The following LMO3 variants were observed in gnomAD, a reference collection of about 807,000 sequenced individuals.
The protein encoded by LMO3 is LIM domain only 3, also known as LIM domain only protein 3.
A neutral mutation model predicts 15.8 loss-of-function variants in LMO3; 2 were observed. The observed-to-expected ratio is 0.13, with a 90% CI of 0.05 to 0.40. The LOEUF (loss-of-function observed/expected upper bound fraction) is 0.40. Among genes scored for constraint, LMO3 ranks in the 10% least tolerant of loss-of-function variants. LMO3 has a pLI of 0.99. For missense variants in LMO3, 86 were observed against 182.2 expected, an observed-to-expected ratio of 0.47 and a Z score of 3.04; for synonymous variants, 62 against 63.8, an observed-to-expected ratio of 0.97 and a Z score of 0.13.
At chr12:16,556,523 G>T (rs1195580632) in intron 3 of LMO3, among the ~76,000 whole-genome samples, 4 of 152,200 alleles carry the variant, frequency 2.6e-5, no homozygotes, top group Admixed American at 6.5e-5. Flanking sequence ...AGGTAAAGAT[G>T]AAATGACTGC....
At chr12:16,573,550 G>A (rs1443793275) in intron 2 of LMO3, 1 of 152,198 alleles carries the variant, frequency 6.6e-6, no homozygotes, top group African/African-American at 2.4e-5. Context: ...GCGATAAGGG[G>A]GGCAGTTAAA....
At position 16,604,109 on chromosome 12, in the gene LMO3, G is replaced by A. The variant is rs562862331; in HGVS notation, c.-9+1957C>T. 6.6e-6 allele frequency among the ~76,000 whole-genome samples: 1 copy of A among 152,174 alleles called. No homozygotes were observed. Among genetic ancestry groups the A allele is most frequent in the Non-Finnish European group, 1.5e-5 (1 of 68,038 alleles). ...GCCAACATGGCCATTCGATTGCCAA[G>A]AGGCACCAGACAAAAGATTTTCTCT... On this transcript the variant is annotated intron_variant, in intron 1 of 3. Transcript: ENST00000537304. The surrounding 1 kb of genome is among the most constrained non-coding windows in gnomAD (Gnocchi z 5.3).
At chr12:16,558,469 T>TA (rs1942272315) in intron 3 of LMO3, among the ~76,000 whole-genome samples, 2 of 152,220 alleles carry the variant, frequency 1.3e-5, no homozygotes, top group East Asian at 3.9e-4. Flanking sequence ...AAGACACCTT[T>TA]AAAATGTATA....
At chr12:16,572,251 A>G (rs1006533753) in intron 2 of LMO3, among the ~76,000 whole-genome samples, 1 of 151,952 alleles carries the variant, frequency 6.6e-6, no homozygotes, top group African/African-American at 2.4e-5. Flanking sequence ...AAGGAATTAC[A>G]ATAAAACCTG....
chr12:16,558,733 A>C (rs1942283020), intron 3 of LMO3, among the ~76,000 whole-genome samples: 1 of 152,168 alleles, frequency 6.6e-6, no homozygotes, highest in Non-Finnish European at 1.5e-5. Context: ...CTGAATATCT[A>C]CATTTAGCAA....
rs1485572213 is a variant in LMO3, at chr12:16,564,928, A to T, written c.207-4390T>A. Reference sequence around the variant, plus strand: ...AGCTCCCCAAGTAGCTGGGACCACAAGTGCATATCAACAGACTTGGCTAAT... The same window carrying T: ...AGCTCCCCAAGTAGCTGGGACCACATGTGCATATCAACAGACTTGGCTAAT... On this transcript the variant is annotated intron_variant, in intron 2 of 3. Transcript: ENST00000537304. Among the ~76,000 whole-genome samples, 3 of 152,072 alleles carry T rather than the reference A, an allele frequency of 2.0e-5. No homozygotes were observed. In the South Asian group the frequency reaches 6.2e-4, roughly 32 times the overall value.
Position 16,585,640 on chromosome 12 carries a change from C to A in LMO3, c.206+15015G>T, listed in dbSNP as rs564862164. Among the ~76,000 whole-genome samples, 11 of 152,252 alleles carry A rather than the reference C, an allele frequency of 7.2e-5. No individual in the cohort carries two copies. The South Asian group carries it at 2.1e-3, about 29-fold the overall frequency. On this transcript the variant is annotated intron_variant, in intron 2 of 3. Coordinates refer to ENST00000537304, the MANE Select transcript of LMO3 (RefSeq NM_018640.5). The surrounding 1 kb of genome is among the most constrained non-coding windows in gnomAD (Gnocchi z 4.7). ...GTATTTTCTTTCCGTTGAAGTCCAC[C>A]CATTCCAATTATTTAAGTGATTTCA...
chr12:16,606,039 G>A, intron 1 of LMO3, 27 bp downstream of exon 1: 1 of 592,788 alleles, frequency 1.7e-6, no homozygotes, highest in Non-Finnish European at 3.0e-6. Flanking sequence ...ATAAGCCGAC[G>A]CGTGTGTACA....
rs959529043 is a variant in LMO3 at position 16,550,326 on chromosome 12, G to A, written c.*896C>T. On this transcript the variant is annotated 3_prime_UTR_variant, in exon 4 of 4. Coordinates refer to ENST00000537304, the MANE Select transcript of LMO3 (RefSeq NM_018640.5). ...ATCACTTAAAAATCATCTCATAATT[G>A]TGGTAACAGATTTTTAAAGTAACCC... The A allele has an allele frequency of 6.6e-6, 1 of 152,364 alleles. No homozygotes were observed. The highest frequency in any genetic ancestry group is 2.4e-5 in the African/African-American group (1 of 41,424). The allele number at this position is 152,364 out of a possible 1,614,324, so 9.4% of individuals were successfully genotyped here.
rs1943309202 is a variant in LMO3 at position 16,586,032 on chromosome 12, T to G, written c.206+14623A>C. Among the ~76,000 whole-genome samples, 1 of 152,092 alleles carries G rather than the reference T, an allele frequency of 6.6e-6. No homozygotes were observed. Among genetic ancestry groups the G allele is most frequent in the Non-Finnish European group, 1.5e-5 (1 of 68,016 alleles). On this transcript the variant is annotated intron_variant, in intron 2 of 3. Transcript: ENST00000537304. This position sits in a 1 kb window ranked among gnomAD's most constrained non-coding sequence, Gnocchi z 4.3. ...ACACTGATGTTTTTGCAGCTGTTAA[T>G]GAAAATCTTCAACACAGGAAAACAG...
chr12:16,553,973 A>C (rs986880140), intron 3 of LMO3, among the ~76,000 whole-genome samples: 1 of 151,982 alleles, frequency 6.6e-6, no homozygotes, highest in Non-Finnish European at 1.5e-5. Context: ...TTGTAATCTG[A>C]CCCTAATTAC....
intron 1 of LMO3, chr12:16,605,603 G>C: frequency 1.4e-6 from 1 of 695,706 alleles, no homozygotes; most frequent in Non-Finnish European, 2.3e-6. Context: ...AGCAAGTAAG[G>C]GGGAGGGGTC....
At chr12:16,561,520 T>A (rs1341527321) in intron 2 of LMO3, among the ~76,000 whole-genome samples, 1 of 152,182 alleles carries the variant, frequency 6.6e-6, no homozygotes, top group African/African-American at 2.4e-5. Context: ...TAAAAGCAGT[T>A]CTAAACTAAT....
At chr12:16,572,456 T>C (rs1366974483) in intron 2 of LMO3, among the ~76,000 whole-genome samples, 2 of 149,062 alleles carry the variant, frequency 1.3e-5, no homozygotes, top group African/African-American at 4.9e-5. Flanking sequence ...TACTAAGCTA[T>C]TTCCTTTATT....
chr12:16,597,734 G>A lies in LMO3; in HGVS notation c.206+2921C>T, dbSNP rs1407455816. ...TTTATGTTCAGTTTGGTGCCTCAGA[G>A]AAATTACATAATATCAAAGGGCCAA... is the stretch of plus-strand genomic sequence containing the variant. On this transcript the variant is annotated intron_variant, in intron 2 of 3. Transcript: ENST00000537304. This position sits in a 1 kb window ranked among gnomAD's most constrained non-coding sequence, Gnocchi z 5.0. The A allele has an allele frequency of 6.6e-6, 1 of 151,662 alleles. No individual in the cohort carries two copies. Among genetic ancestry groups the A allele is most frequent in the East Asian group, 1.9e-4 (1 of 5,188 alleles). 9.4% of individuals were successfully genotyped at this position (151,662 alleles called of 1,614,324 possible).
In LMO3 at chr12:16,551,029, A is replaced by G; in HGVS notation, c.*193T>C. On this transcript the variant is annotated 3_prime_UTR_variant, in exon 4 of 4. Coordinates refer to ENST00000537304, the MANE Select transcript of LMO3 (RefSeq NM_018640.5). ...ATGTACATTACTTTTTTCTTTAATAATAAACATTCAACTCTGAACTGGGGC... is the reference window on the plus strand; with the variant it reads ...ATGTACATTACTTTTTTCTTTAATAGTAAACATTCAACTCTGAACTGGGGC... The G allele has an allele frequency of 2.0e-6, 1 of 496,962 alleles. No individual in the cohort carries two copies. 30.8% of individuals were successfully genotyped at this position (496,962 alleles called of 1,614,324 possible). A position where few individuals can be genotyped will look rare whatever the true frequency, so the allele number is the denominator to read the frequency against.
At chr12:16,557,122 A>G (rs552067875) in intron 3 of LMO3, among the ~76,000 whole-genome samples, 4 of 152,320 alleles carry the variant, frequency 2.6e-5, no homozygotes, top group African/African-American at 7.2e-5. Context: ...TGTAAATAGC[A>G]TTAACAACCT....
At chr12:16,568,584 G>A (rs1053580167) in intron 2 of LMO3, among the ~76,000 whole-genome samples, 1 of 152,086 alleles carries the variant, frequency 6.6e-6, no homozygotes, top group African/African-American at 2.4e-5. Flanking sequence ...AGATTCCAAA[G>A]CTTAGCACAA....
Position 16,548,517 on chromosome 12 carries a change from T to C in LMO3, c.*2705A>G, listed in dbSNP as rs1324999606. 6.6e-6 allele frequency: 1 copy of C among 152,068 alleles called. No homozygotes were observed. The highest frequency in any genetic ancestry group is 2.4e-5 in the African/African-American group (1 of 41,392). The allele number at this position is 152,068 out of a possible 1,614,324, so 9.4% of individuals were successfully genotyped here. ...ACTCAGCACTCTGTTGGAGTGGAGG[T>C]GCACGGTCCTTCATCATAGGCAGCC... On this transcript the variant is annotated 3_prime_UTR_variant, in exon 4 of 4. Transcript: ENST00000537304. The surrounding 1 kb of genome is among the most constrained non-coding windows in gnomAD (Gnocchi z 4.2).
Sources: allele counts gnomAD v4.1 joint callset (sites outside exome capture counted in the v4.1 genomes callset), GRCh38; gene constraint gnomAD v4.1.1; non-coding constraint Gnocchi (gnomAD v3.1); transcripts MANE v1.5; gene names NCBI Gene and HGNC (gene_info 2026-07-23, HGNC 2026-07-21).